ASB2: variants seen among roughly 807,000 people sequenced by gnomAD.
ASB2 encodes ankyrin repeat and SOCS box protein 2.
Under a neutral mutation model 62.4 loss-of-function variants are expected in ASB2, and 58 were observed. The ratio of observed to expected loss-of-function variants is 0.93; its 90% confidence interval spans 0.75 to 1.16. The LOEUF is 1.16. ASB2 is among the 50% of genes most tolerant of loss of function. ASB2 has a pLI of 0.00. For synonymous variants in ASB2, 386 were observed against 385.3 expected (o/e 1.00, Z -0.02); for missense variants, 928 against 887.9 (o/e 1.05, Z -0.57).
Position 93,934,747 on chromosome 14 carries a change from T to C in ASB2, c.1817A>G (p.Lys606Arg), listed in dbSNP as rs888458243. The C allele has an allele frequency of 6.8e-6, 11 of 1,613,620 alleles. No individual in the cohort carries two copies. Among genetic ancestry groups the C allele is most frequent in the Admixed American group, 1.7e-5 (1 of 60,010 alleles). Residue 606 changes from lysine to arginine, a missense_variant, in exon 10 of 10, where the codon AAG becomes AGG. By Grantham distance (26) the Lys-to-Arg change is conservative. Coordinates refer to ENST00000555019, the MANE Select transcript of ASB2 (RefSeq NM_001202429.2). ...LAHLCRLRVR[K>R]AIGKYRIKLL... ...TTTTATACGGTATTTCCCAATGGCC[T>C]TTCGAACCCGCAGTCGGCAAAGGTG...
intron 6 of ASB2, among the ~76,000 whole-genome samples, chr14:93,949,230 C>T (rs769865076): frequency 6.6e-6 from 1 of 152,200 alleles, no homozygotes; most frequent in African/African-American, 2.4e-5. Context: ...TGTTGCTGAT[C>T]TCAGGCTTTC....
Position 93,937,814 on chromosome 14 carries a change from C to A in ASB2, c.1655G>T (p.Trp552Leu). 1 of 1,610,160 alleles carries A rather than the reference C, an allele frequency of 6.2e-7. No individual in the cohort carries two copies. The highest frequency in any genetic ancestry group is 8.5e-7 in the Non-Finnish European group (1 of 1,176,778). ...EFVSAPEVSRWAGPIIDVLLD... is the reference protein window; with the variant it reads ...EFVSAPEVSRLAGPIIDVLLD... ...GAGGACATCGATGATGGGCCCCGCC[C>A]AGCGGCTCACCTCTGGGGCAGATAC... is the stretch of plus-strand genomic sequence containing the variant. The change falls in exon 9 of 10, where the codon TGG (tryptophan) becomes TTG (leucine). Residue 552 changes from tryptophan to leucine, a missense_variant. Transcript: ENST00000555019.
chr14:93,950,533 G>A (rs1169064337), intron 6 of ASB2, among the ~76,000 whole-genome samples: 2 of 152,186 alleles, frequency 1.3e-5, no homozygotes, highest in Admixed American at 6.5e-5. Context: ...ACCCATAAAA[G>A]GGGGAGGTGA....
At chr14:93,964,126 T>C (rs1360446184) in intron 2 of ASB2, among the ~76,000 whole-genome samples, 6 of 152,030 alleles carry the variant, frequency 3.9e-5, no homozygotes, top group African/African-American at 9.7e-5. Context: ...CTTAAGCGGA[T>C]GAAAGGAGGC....
chr14:93,959,976 T>C (rs12886997), intron 2 of ASB2, among the ~76,000 whole-genome samples: 4,999 of 116,682 alleles, frequency 0.043, 280 homozygotes, highest in African/African-American at 0.19. Flanking sequence ...CACTGTGCCA[T>C]GAGTCTACCC....
intron 2 of ASB2, among the ~76,000 whole-genome samples, chr14:93,957,734 C>A (rs1251004269): frequency 6.6e-6 from 1 of 152,196 alleles, no homozygotes; most frequent in African/African-American, 2.4e-5. Flanking sequence ...CCCGACCCAC[C>A]AGGCTCCTGT....
rs1231238580 is a variant in ASB2, at chr14:93,964,377, C to A, written c.163G>T (p.Ala55Ser). 5.2e-6 allele frequency: 8 copies of A among 1,536,150 alleles called. No individual in the cohort carries two copies. ...TGGGCAGGTTGGCGGTTGGTACATG[C>A]AGACGCGGTGGCCTCAGCAGTGGTT... ...GPTTAEATAS[A>S]CTNRQPAHFY... is the part of the protein sequence containing the mutation. The change falls in exon 2 of 10, where the codon GCA becomes TCA. Residue 55 changes from alanine (A) to serine (S), a missense_variant. Transcript: ENST00000555019.
rs972916883 is a variant in ASB2, at chr14:93,939,652, G to T, written c.1073C>A (p.Pro358Gln). ...GCGTATGCGCGTGCGGCTGGTCACC[G>T]GCAGCAGCATCTGCACGATCCTGCC... Reference protein sequence around the residue: ...GNYRIVQMLLPVTSRTRIRRS... With the variant: ...GNYRIVQMLLQVTSRTRIRRS... The change falls in exon 8 of 10, where the codon CCG becomes CAG. Residue 358 changes from proline to glutamine, a missense_variant. Physicochemically the swap from Pro to Gln is moderately conservative, Grantham distance 76. Coordinates refer to ENST00000555019, the MANE Select transcript of ASB2 (RefSeq NM_001202429.2). 1 of 1,509,026 alleles carries T rather than the reference G, an allele frequency of 6.6e-7. No homozygotes were observed. The highest frequency in any genetic ancestry group is 1.4e-5 in the African/African-American group (1 of 70,822). The allele number at this position is 1,509,026 out of a possible 1,614,324, so 93.5% of individuals were successfully genotyped here. A position where few individuals can be genotyped will look rare whatever the true frequency, so the allele number is the denominator to read the frequency against.
intron 2 of ASB2, among the ~76,000 whole-genome samples, chr14:93,957,597 C>T (rs563817378): frequency 3.9e-4 from 60 of 152,178 alleles, no homozygotes; most frequent in African/African-American, 1.4e-3. Context: ...AGCCTGTGCT[C>T]GAGGGCCGGT....
At chr14:93,938,609 C>A (rs953493536) in intron 8 of ASB2, among the ~76,000 whole-genome samples, 1 of 152,166 alleles carries the variant, frequency 6.6e-6, no homozygotes, top group African/African-American at 2.4e-5. Context: ...TGCTTCTGAC[C>A]TGACCCTACA....
Position 93,939,378 on chromosome 14 carries a change from G to T in ASB2, c.1347C>A (p.Ile449=). ...RDVISPLLVA[I]RHGCLRTMQL... is the part of the protein sequence containing the mutation. ...GCATTGTGCGCAGGCAGCCGTGGCG[G>T]ATGGCCACGAGCAAGGGGCTGATGA... The change falls in exon 8 of 10, where the codon ATC becomes ATA. Residue 449 remains isoleucine (I), a synonymous_variant. Transcript: ENST00000555019. The T allele has an allele frequency of 6.2e-7, 1 of 1,612,876 alleles. No individual in the cohort carries two copies.
chr14:93,938,740 C>T (rs112265419), intron 8 of ASB2, among the ~76,000 whole-genome samples: 5 of 152,180 alleles, frequency 3.3e-5, no homozygotes, highest in African/African-American at 1.2e-4. Context: ...ATCATTGGTT[C>T]CTTAAATTCC....
intron 1 of ASB2, among the ~76,000 whole-genome samples, chr14:93,967,120 C>G (rs541261108): frequency 2.9e-4 from 44 of 152,322 alleles, no homozygotes; most frequent in African/African-American, 9.9e-4. Context: ...GTTTTTCCAT[C>G]TGTTAAATGG....
Position 93,939,537 on chromosome 14 carries a change from G to A in ASB2, c.1188C>T (p.Asn396=). 6.2e-7 allele frequency: 1 copy of A among 1,603,300 alleles called. No individual in the cohort carries two copies. Among genetic ancestry groups the A allele is most frequent in the Non-Finnish European group, 8.5e-7 (1 of 1,175,990 alleles). Residue 396 remains asparagine, a synonymous_variant, in exon 8 of 10, where the codon AAC becomes AAT. Coordinates refer to ENST00000555019, the MANE Select transcript of ASB2 (RefSeq NM_001202429.2). Reference sequence around the variant, plus strand: ...GCGCGCGCTCGGGGGCCAGCGGCGTGTTCACGTCGAAGCGCGCGCTCAGCA... The same window carrying A: ...GCGCGCGCTCGGGGGCCAGCGGCGTATTCACGTCGAAGCGCGCGCTCAGCA... ...EALLSARFDV[N]TPLAPERARL...
At chr14:93,941,753 G>A (rs1446059133) in intron 7 of ASB2, 9 of 451,518 alleles carry the variant, frequency 2.0e-5, no homozygotes, top group Non-Finnish European at 4.0e-5. Context: ...GCAGGTCACA[G>A]CTGGTCTCCG....
intron 6 of ASB2, 107 bp from the exon 7 acceptor site, chr14:93,947,627 C>A: frequency 8.7e-7 from 1 of 1,149,910 alleles, no homozygotes; most frequent in Non-Finnish European, 1.3e-6. Context: ...CGGTAATGCA[C>A]GGGACCTTTA....
chr14:93,970,516 T>A (rs1889729763), intron 1 of ASB2, among the ~76,000 whole-genome samples: 1 of 152,172 alleles, frequency 6.6e-6, no homozygotes, highest in South Asian at 2.1e-4. Context: ...GCTATGGTCC[T>A]GTCTCTCTAG....
intron 2 of ASB2, among the ~76,000 whole-genome samples, chr14:93,963,391 T>A (rs1346205411): frequency 9.1e-6 from 1 of 109,774 alleles, no homozygotes; most frequent in African/African-American, 4.3e-5. Context: ...TGACCTTGGC[T>A]GGGGACGGGG....
intron 8 of ASB2, 124 bp from the exon 9 acceptor site, chr14:93,937,975 AC>A (rs1359729912): frequency 3.9e-6 from 4 of 1,024,558 alleles, no homozygotes; most frequent in Non-Finnish European, 5.6e-6. Flanking sequence ...GATCCCCTGA[AC>A]CATGTCCCCT....
Sources: gnomAD v4.1 joint callset for allele counts (sites outside exome capture counted in the v4.1 genomes callset) on GRCh38, gnomAD v4.1.1 for gene constraint, MANE v1.5 for transcripts, NCBI Gene and HGNC (gene_info 2026-07-23, HGNC 2026-07-21) for gene names.